Variants in LRRC1 observed in about 807,000 individuals in gnomAD.
LRRC1 encodes leucine-rich repeat-containing protein 1.
LRRC1 carries 28 observed loss-of-function variants against 69.9 expected under a neutral mutation model. That is an observed-to-expected ratio of 0.40 (90% CI 0.30 to 0.55). The LOEUF is 0.55. Ranked by LOEUF, LRRC1 falls within the 20% of genes least tolerant of loss-of-function variation. The pLI is 0.47. For synonymous variants in LRRC1, 236 were observed against 240.2 expected (o/e 0.98, Z 0.16); for missense variants, 498 against 609.0 (o/e 0.82, Z 1.92).
chr6:53,879,794 G>T (rs549699797), intron 3 of LRRC1, among the ~76,000 whole-genome samples: 1 of 152,044 alleles, frequency 6.6e-6, no homozygotes, highest in African/African-American at 2.4e-5. Flanking sequence ...TGTTGCCGAG[G>T]CATGGCTGAG....
rs755864835 is a variant in LRRC1 at position 53,896,526 on chromosome 6, A to G, written c.475A>G (p.Arg159Gly). Residue 159 changes from arginine (R) to glycine (G), a missense_variant, in exon 5 of 14, where the codon AGA (arginine) becomes GGA (glycine). Arg to Gly is a moderately radical substitution (Grantham distance 125). Coordinates refer to ENST00000370888, the MANE Select transcript of LRRC1 (RefSeq NM_018214.5). ...NLYNLASLELRENLLTYLPDS... is the reference protein window; with the variant it reads ...NLYNLASLELGENLLTYLPDS... Reference sequence around the variant, plus strand: ...TTATAACCTGGCTTCACTGGAACTGAGAGAGAATCTTCTTACATATCTTCC... The same window carrying G: ...TTATAACCTGGCTTCACTGGAACTGGGAGAGAATCTTCTTACATATCTTCC... 2 of 1,613,164 alleles carry G rather than the reference A, an allele frequency of 1.2e-6. No homozygotes were observed. Among genetic ancestry groups the G allele is most frequent in the Non-Finnish European group, 1.7e-6 (2 of 1,179,270 alleles).
chr6:53,886,974 C>T (rs1007757487), intron 4 of LRRC1, among the ~76,000 whole-genome samples: 1 of 152,188 alleles, frequency 6.6e-6, no homozygotes, highest in Non-Finnish European at 1.5e-5. Flanking sequence ...CCTACCCTGG[C>T]ATTGTTCTCA....
chr6:53,836,964 A>G (rs1765628707), intron 1 of LRRC1, among the ~76,000 whole-genome samples: 1 of 152,176 alleles, frequency 6.6e-6, no homozygotes, highest in Admixed American at 6.5e-5. Context: ...CAACATATAA[A>G]TGAAATAATA....
At chr6:53,895,075 G>A (rs1323842734) in intron 4 of LRRC1, among the ~76,000 whole-genome samples, 1 of 151,820 alleles carries the variant, frequency 6.6e-6, no homozygotes. Flanking sequence ...CCGCCACCAC[G>A]CCCGGCTAAT....
intron 1 of LRRC1, among the ~76,000 whole-genome samples, chr6:53,835,197 A>G (rs528363214): frequency 7.2e-5 from 11 of 152,328 alleles, no homozygotes; most frequent in African/African-American, 2.4e-4. Context: ...GAATATTTTC[A>G]TCACCCAAAA....
chr6:53,904,413 T>C lies in LRRC1; in HGVS notation c.941T>C (p.Leu314Ser). 1.9e-6 allele frequency: 3 copies of C among 1,612,410 alleles called. No individual in the cohort carries two copies. Among genetic ancestry groups the C allele is most frequent in the Non-Finnish European group, 2.5e-6 (3 of 1,179,258 alleles). The change falls in exon 10 of 14, where the codon TTG becomes TCG. Residue 314 changes from leucine to serine, a missense_variant. Leu to Ser is a moderately radical substitution (Grantham distance 145). Coordinates refer to ENST00000370888, the MANE Select transcript of LRRC1 (RefSeq NM_018214.5). ...LPKSIGKLKK[L>S]SNLNADRNKL... ...AAAAGCATTGGAAAACTAAAGAAGT[T>C]GAGCAACTTGAATGCAGACAGAAAT...
At position 53,902,649 on chromosome 6, in the gene LRRC1, A is replaced by G. The variant is rs199592597; in HGVS notation, c.808A>G (p.Ile270Val). 8.6e-4 allele frequency: 1,375 copies of G among 1,598,430 alleles called. 1 individual carries two copies. Among genetic ancestry groups the G allele is most frequent in the Non-Finnish European group, 1.1e-3 (1,303 of 1,173,894 alleles). ...DGIGKLKKLS[I>V]LKVDQNRLTQ... ...TACAGGAAAACTAAAGAAACTGTCA[A>G]TCTTGAAGGTGGATCAGAATAGACT... Residue 270 changes from isoleucine to valine, a missense_variant, in exon 9 of 14, where the codon ATC (isoleucine) becomes GTC (valine). Coordinates refer to ENST00000370888, the MANE Select transcript of LRRC1 (RefSeq NM_018214.5).
At position 53,899,896 on chromosome 6, in the gene LRRC1, G is replaced by A. The variant is rs775048137; in HGVS notation, c.787+5G>A. The A allele has an allele frequency of 5.6e-6, 9 of 1,613,358 alleles. No individual in the cohort carries two copies. Among genetic ancestry groups the A allele is most frequent in the Non-Finnish European group, 6.8e-6 (8 of 1,179,642 alleles). Reference sequence around the variant, plus strand: ...AAACGATTCCGGATGGCATTGGTAAGCATTGGAAATCACTAACTGCTAAAC... The same window carrying A: ...AAACGATTCCGGATGGCATTGGTAAACATTGGAAATCACTAACTGCTAAAC... On this transcript the variant is annotated splice_donor_5th_base_variant and intron_variant, in intron 8 of 13. Coordinates refer to ENST00000370888, the MANE Select transcript of LRRC1 (RefSeq NM_018214.5).
At chr6:53,811,206 G>A (rs532607413) in intron 1 of LRRC1, among the ~76,000 whole-genome samples, 11 of 152,186 alleles carry the variant, frequency 7.2e-5, no homozygotes, top group African/African-American at 2.7e-4. Flanking sequence ...TTATTCTGAG[G>A]GCCCAGTGAT....
In LRRC1 at chr6:53,919,493, A is replaced by AAT; in HGVS notation, c.1107-4_1107-3insTA. On this transcript the variant is annotated splice_polypyrimidine_tract_variant and splice_region_variant and intron_variant, in intron 11 of 13. Transcript: ENST00000370888. ...CTCTTTTTTTAAAAAAAAAAAAAAA[A>AAT]ACAGGTTGCTGCATCTACCTTTATC... 6.5e-7 allele frequency: 1 copy of AAT among 1,530,350 alleles called. No individual in the cohort carries two copies. Among genetic ancestry groups the AAT allele is most frequent in the African/African-American group, 1.4e-5 (1 of 70,142 alleles). 94.8% of individuals were successfully genotyped at this position (1,530,350 alleles called of 1,614,324 possible). A position where few individuals can be genotyped will look rare whatever the true frequency, so the allele number is the denominator to read the frequency against.
Position 53,890,715 on chromosome 6 carries a change from A to G in LRRC1, c.447-5783A>G, listed in dbSNP as rs936874918. ...AGCCACCGTAAGAAAGTTTGTAACC[A>G]GAGGTTTTTGAATTCTAATTTGATG... On this transcript the variant is annotated intron_variant, in intron 4 of 13. Coordinates refer to ENST00000370888, the MANE Select transcript of LRRC1 (RefSeq NM_018214.5). Among the ~76,000 whole-genome samples the G allele has an allele frequency of 2.0e-5, 3 of 152,348 alleles. No individual in the cohort carries two copies. The South Asian group carries it at 6.2e-4, about 32-fold the overall frequency.
chr6:53,883,448 G>GT, intron 4 of LRRC1, among the ~76,000 whole-genome samples: 1 of 152,200 alleles, frequency 6.6e-6, no homozygotes, highest in Non-Finnish European at 1.5e-5. Flanking sequence ...TGAGAATGGT[G>GT]TATTTGGAGA....
intron 4 of LRRC1, among the ~76,000 whole-genome samples, chr6:53,889,642 G>T (rs1020071303): frequency 1.3e-5 from 2 of 152,058 alleles, no homozygotes; most frequent in Admixed American, 6.5e-5. Context: ...GTTGTGGGGT[G>T]GAGGAATGAC....
chr6:53,895,472 AG>A (rs1487261134), intron 4 of LRRC1, among the ~76,000 whole-genome samples: 1 of 152,178 alleles, frequency 6.6e-6, no homozygotes, highest in Non-Finnish European at 1.5e-5. Context: ...GGGAGAATGG[AG>A]GATTAAGGCA....
At chr6:53,798,868 G>A (rs1355843782) in intron 1 of LRRC1, among the ~76,000 whole-genome samples, 1 of 152,182 alleles carries the variant, frequency 6.6e-6, no homozygotes, top group Non-Finnish European at 1.5e-5. Context: ...GAATATTCAA[G>A]TTGGAAGCAA....
In LRRC1 at chr6:53,843,355, A is replaced by G. The variant is rs74645198; in HGVS notation, c.277+1128A>G. On this transcript the variant is annotated intron_variant, in intron 2 of 13. Coordinates refer to ENST00000370888, the MANE Select transcript of LRRC1 (RefSeq NM_018214.5). ...TATAATTCTTCTGTGGGTCATTGTT[A>G]TAATACAGCAATGGTAATCAGTACT... 9.4e-3 allele frequency among the ~76,000 whole-genome samples: 1,426 copies of G among 152,310 alleles called. 25 individuals carry two copies. The highest frequency in any genetic ancestry group is 0.032 in the African/African-American group (1,341 of 41,560).
chr6:53,882,387 A>G (rs1024059479), intron 3 of LRRC1, among the ~76,000 whole-genome samples: 4 of 152,236 alleles, frequency 2.6e-5, no homozygotes, highest in African/African-American at 7.2e-5. Context: ...CAGTGGATCA[A>G]TAAGTATTCC....
intron 12 of LRRC1, 130 bp from the exon 13 acceptor site, chr6:53,920,495 C>T: frequency 1.1e-6 from 1 of 892,248 alleles, no homozygotes; most frequent in Non-Finnish European, 1.7e-6. Context: ...TGCAACAGAA[C>T]ACCCCCCTTA....
At chr6:53,919,815 C>T (rs890899245) in intron 12 of LRRC1, 145 bp downstream of exon 12, 1 of 626,076 alleles carries the variant, frequency 1.6e-6, no homozygotes. Flanking sequence ...CACTGTGGGA[C>T]TCTTCCGGGA....
Sources: gnomAD v4.1 joint callset for allele counts (sites outside exome capture counted in the v4.1 genomes callset) on GRCh38, gnomAD v4.1.1 for gene constraint, MANE v1.5 for transcripts, NCBI Gene and HGNC (gene_info 2026-07-23, HGNC 2026-07-21) for gene names.